Variants in PLAC1 observed in about 807,000 individuals in gnomAD.
PLAC1 encodes the protein placenta-specific protein 1.
For synonymous variants in PLAC1, 68 were observed against 62.1 expected, an observed-to-expected ratio of 1.09 and a Z score of -0.44; for missense variants, 136 against 163.2, an observed-to-expected ratio of 0.83 and a Z score of 0.91.
At chrX:134,732,392 C>G (rs1439117157) in intron 2 of PLAC1, among the ~76,000 whole-genome samples, 1 of 111,502 alleles carries the variant, frequency 9.0e-6, no homozygotes, top group Non-Finnish European at 1.9e-5. Flanking sequence ...CTGCCAAGTT[C>G]CAGGCCTGCC....
At chrX:134,753,449 G>A (rs958546001) in intron 1 of PLAC1, among the ~76,000 whole-genome samples, 1 of 110,648 alleles carries the variant, frequency 9.0e-6, no homozygotes, top group Admixed American at 9.8e-5. Flanking sequence ...TTAAATATAC[G>A]ATAACAGCAA....
At chrX:134,704,478 G>A (rs1219584523) in intron 2 of PLAC1, among the ~76,000 whole-genome samples, 1 of 98,075 alleles carries the variant, frequency 1.0e-5, no homozygotes, top group Non-Finnish European at 2.0e-5. Context: ...GGGCAACACA[G>A]TGAGACTCCA....
intron 1 of PLAC1, among the ~76,000 whole-genome samples, chrX:134,747,277 C>A (rs1272248298): frequency 9.1e-6 from 1 of 110,489 alleles, no homozygotes; most frequent in African/African-American, 3.3e-5. Context: ...GTGGCTAACA[C>A]CTGCCTATCC....
intron 2 of PLAC1, among the ~76,000 whole-genome samples, chrX:134,592,997 G>A (rs1323030656): frequency 1.8e-5 from 2 of 110,845 alleles, no homozygotes; most frequent in African/African-American, 6.6e-5. Flanking sequence ...AAAATGCTGG[G>A]ATTACAGGCG....
intron 1 of PLAC1, among the ~76,000 whole-genome samples, chrX:134,645,785 T>G (rs1266895151): frequency 1.8e-5 from 2 of 111,871 alleles, no homozygotes; most frequent in Non-Finnish European, 3.8e-5. Flanking sequence ...AATGCAAGCC[T>G]TCCCATTCAA....
At chrX:134,614,021 G>A (rs2078167150) in intron 1 of PLAC1, among the ~76,000 whole-genome samples, 1 of 109,936 alleles carries the variant, frequency 9.1e-6, no homozygotes, top group East Asian at 2.9e-4. Flanking sequence ...CCCCCAGCCT[G>A]CTCATCCCAG....
intron 1 of PLAC1, among the ~76,000 whole-genome samples, chrX:134,745,377 C>G (rs1006177992): frequency 5.4e-5 from 6 of 111,611 alleles, no homozygotes; most frequent in African/African-American, 2.0e-4. Flanking sequence ...AGAGACATGG[C>G]ATCACCAAGA....
At chrX:134,713,901 G>A (rs2078635617) in intron 2 of PLAC1, among the ~76,000 whole-genome samples, 1 of 111,149 alleles carries the variant, frequency 9.0e-6, no homozygotes, top group Non-Finnish European at 1.9e-5. Context: ...GGGACTGGCA[G>A]CCCCACCTCC....
intron 1 of PLAC1, among the ~76,000 whole-genome samples, chrX:134,617,945 C>T (rs2078192643): frequency 8.9e-6 from 1 of 112,159 alleles, no homozygotes; most frequent in Non-Finnish European, 1.9e-5. Flanking sequence ...TCTCCAGCAC[C>T]TGCTCTGCTT....
intron 1 of PLAC1, among the ~76,000 whole-genome samples, chrX:134,621,444 CAAAAAAAAAAAAAAA>C (rs11317429): frequency 5.9e-5 from 2 of 33,854 alleles, no homozygotes; most frequent in Non-Finnish European, 9.6e-5. Context: ...GGCTCTGTCT[CAAAAAAAAAAAAAAA>C]AAAAAAAAAA....
chrX:134,734,497 G>A (rs1233033746), intron 1 of PLAC1, among the ~76,000 whole-genome samples: 1 of 112,367 alleles, frequency 8.9e-6, no homozygotes, highest in East Asian at 2.8e-4. Flanking sequence ...TGCCCCCAAT[G>A]GCTGGCATAC....
intron 2 of PLAC1, among the ~76,000 whole-genome samples, chrX:134,590,657 C>A (rs749806620): frequency 5.6e-4 from 62 of 111,219 alleles, no homozygotes; most frequent in Non-Finnish European, 1.0e-3. Flanking sequence ...ACTCTGTCAC[C>A]CAGGCTGGAG....
upstream of PLAC1, among the ~76,000 whole-genome samples, chrX:134,663,040 C>G (rs778972197): frequency 1.3e-4 from 15 of 112,392 alleles, no homozygotes; most frequent in East Asian, 4.2e-3. Flanking sequence ...AATAGTGCAG[C>G]TGAAACTTAA....
chrX:134,663,694 G>A (rs1404232716), intron 2 of PLAC1, among the ~76,000 whole-genome samples: 1 of 112,590 alleles, frequency 8.9e-6, no homozygotes, highest in Non-Finnish European at 1.9e-5. Context: ...GATGGGGGAG[G>A]CTGTCTAGTC....
intron 2 of PLAC1, among the ~76,000 whole-genome samples, chrX:134,723,307 A>AC (rs1170914854): frequency 1.9e-5 from 2 of 104,410 alleles, no homozygotes; most frequent in Non-Finnish European, 3.9e-5. Context: ...AAATTGTATT[A>AC]CTTTTTTTTT....
chrX:134,641,251 T>C (rs1246407861), intron 1 of PLAC1, among the ~76,000 whole-genome samples: 1 of 110,584 alleles, frequency 9.0e-6, no homozygotes, highest in Non-Finnish European at 1.9e-5. Context: ...AGATCCCATC[T>C]CTACAAAAAA....
At chrX:134,636,609 T>C (rs2078284564) in intron 1 of PLAC1, among the ~76,000 whole-genome samples, 1 of 112,281 alleles carries the variant, frequency 8.9e-6, no homozygotes, top group African/African-American at 3.2e-5. Context: ...TGGAAGTTTA[T>C]GCAGAAAAGC....
At chrX:134,568,294 G>A (rs1402652290) in intron 2 of PLAC1, among the ~76,000 whole-genome samples, 1 of 112,696 alleles carries the variant, frequency 8.9e-6, no homozygotes, top group Non-Finnish European at 1.9e-5. Flanking sequence ...CTATGTGCAC[G>A]GCAATGGGCC....
At chrX:134,652,861 G>T (rs2078370449) in intron 1 of PLAC1, among the ~76,000 whole-genome samples, 1 of 111,800 alleles carries the variant, frequency 8.9e-6, no homozygotes, top group Non-Finnish European at 1.9e-5. Flanking sequence ...ACATGGCAGA[G>T]CTGGAATAAA....
Sources: gnomAD v4.1 joint callset for allele counts (sites outside exome capture counted in the v4.1 genomes callset) on GRCh38, gnomAD v4.1.1 for gene constraint, MANE v1.5 for transcripts, NCBI Gene and HGNC (gene_info 2026-07-23, HGNC 2026-07-21) for gene names.